The following ERC2 variants were observed in gnomAD, a reference collection of about 807,000 sequenced individuals.
ERC2 encodes the protein ERC protein 2.
ERC2 carries 42 observed loss-of-function variants against 114.8 expected under a neutral mutation model. That is an observed-to-expected ratio of 0.37 (90% CI 0.29 to 0.47). The LOEUF (loss-of-function observed/expected upper bound fraction) is 0.47. ERC2 is among the 20% of genes least tolerant of loss of function. The pLI, the probability that ERC2 is intolerant of heterozygous loss-of-function variation, is 0.99. For synonymous variants in ERC2, 454 were observed against 425.5 expected, an observed-to-expected ratio of 1.07 and a Z score of -0.82; for missense variants, 939 against 1,150.7, an observed-to-expected ratio of 0.82 and a Z score of 2.66.
chr3:56,163,946 T>A (rs977771324), intron 4 of ERC2, among the ~76,000 whole-genome samples: 1 of 152,222 alleles, frequency 6.6e-6, no homozygotes, highest in East Asian at 1.9e-4. Context: ...GATTGTGTGG[T>A]TCCTTTATAG....
At chr3:56,300,743 C>G (rs927677452) in intron 2 of ERC2, among the ~76,000 whole-genome samples, 1 of 152,186 alleles carries the variant, frequency 6.6e-6, no homozygotes, top group Non-Finnish European at 1.5e-5. Flanking sequence ...CTTAAGTAAC[C>G]TGCTCCCAGT....
intron 3 of ERC2, among the ~76,000 whole-genome samples, chr3:56,213,847 AG>A (rs1335628310): frequency 6.6e-6 from 1 of 152,170 alleles, no homozygotes; most frequent in African/African-American, 2.4e-5. Context: ...TCTGCTGTTC[AG>A]TATTCACTGT....
intron 14 of ERC2, among the ~76,000 whole-genome samples, chr3:55,852,139 G>C (rs910803433): frequency 6.6e-6 from 1 of 152,172 alleles, no homozygotes; most frequent in Non-Finnish European, 1.5e-5. Context: ...AGAATTGCTT[G>C]TACCCGGGAG....
chr3:55,884,056 T>A (rs923974492), intron 14 of ERC2, among the ~76,000 whole-genome samples: 1 of 152,230 alleles, frequency 6.6e-6, no homozygotes, highest in African/African-American at 2.4e-5. Flanking sequence ...ATGAAAGATG[T>A]TACCAATTAG....
intron 17 of ERC2, among the ~76,000 whole-genome samples, chr3:55,562,900 T>G (rs1374024805): frequency 6.6e-6 from 1 of 152,202 alleles, no homozygotes; most frequent in East Asian, 1.9e-4. Flanking sequence ...TAAAATTTTA[T>G]GAACATGCAC....
At position 56,444,803 on chromosome 3, in the gene ERC2, GATC is replaced by G. The variant is rs567367294; in HGVS notation, c.-140-9659_-140-9657del. ...CCTGCTGACAGACCGTGTGAGCTGAGATCATCAGTATCTCCCAAGATTTTGCCA... is the reference window on the plus strand; with the variant it reads ...CCTGCTGACAGACCGTGTGAGCTGAGATCAGTATCTCCCAAGATTTTGCCA... On this transcript the variant is annotated intron_variant, in intron 1 of 17. Transcript: ENST00000288221. 2.0e-5 allele frequency among the ~76,000 whole-genome samples: 3 copies of G among 152,316 alleles called. No individual in the cohort carries two copies. The East Asian group carries it at 5.8e-4, about 29-fold the overall frequency.
At chr3:56,371,922 G>C (rs934710138) in intron 2 of ERC2, among the ~76,000 whole-genome samples, 4 of 152,194 alleles carry the variant, frequency 2.6e-5, no homozygotes, top group African/African-American at 9.6e-5. Flanking sequence ...GCTATTGTTT[G>C]AGAAGCCTAG....
chr3:56,103,766 T>TCTAC (rs2078492081), intron 6 of ERC2, among the ~76,000 whole-genome samples: 4 of 151,960 alleles, frequency 2.6e-5, no homozygotes. Context: ...TATCTATCTA[T>TCTAC]CTATCTATCT....
intron 17 of ERC2, among the ~76,000 whole-genome samples, chr3:55,602,853 C>T (rs563572554): frequency 4.2e-4 from 64 of 152,262 alleles, no homozygotes; most frequent in African/African-American, 1.3e-3. Context: ...CTATGCTGTG[C>T]TAGTTTCTGT....
At chr3:55,578,280 C>G (rs949025929) in intron 17 of ERC2, among the ~76,000 whole-genome samples, 2 of 152,178 alleles carry the variant, frequency 1.3e-5, no homozygotes, top group African/African-American at 4.8e-5. Context: ...ATACAAACAC[C>G]CTACAGGACT....
chr3:55,920,415 A>AACACACAC (rs10560997), intron 13 of ERC2, among the ~76,000 whole-genome samples: 37,259 of 146,528 alleles, frequency 0.25, 5,284 homozygotes, highest in Admixed American at 0.35. Context: ...GGCACACTAA[A>AACACACAC]ACACACACAC....
intron 15 of ERC2, among the ~76,000 whole-genome samples, chr3:55,699,863 C>G (rs965860875): frequency 1.3e-5 from 2 of 152,134 alleles, no homozygotes; most frequent in African/African-American, 4.8e-5. Context: ...GACTGAGACT[C>G]TAGACCAACA....
chr3:56,174,744 C>T (rs1220217419), intron 3 of ERC2, among the ~76,000 whole-genome samples: 1 of 152,042 alleles, frequency 6.6e-6, no homozygotes, highest in Admixed American at 6.6e-5. Context: ...CTTTGGGAGG[C>T]CGAGGTGGGT....
chr3:55,790,411 C>A lies in ERC2; in HGVS notation c.2565-55493G>T, dbSNP rs1348220837. 3.9e-5 allele frequency among the ~76,000 whole-genome samples: 6 copies of A among 152,268 alleles called. No homozygotes were observed. The East Asian group carries it at 1.2e-3, about 29-fold the overall frequency. On this transcript the variant is annotated intron_variant, in intron 14 of 17. Transcript: ENST00000288221. The stretch of plus-strand genomic sequence containing the variant: ...AGATCTCATTCCCTGCTTTAGCAGC[C>A]CTGGCCAGTGCCTCACCCTCATCCC...
chr3:55,606,096 T>C (rs1174715946), intron 17 of ERC2, among the ~76,000 whole-genome samples: 1 of 152,168 alleles, frequency 6.6e-6, no homozygotes, highest in Non-Finnish European at 1.5e-5. Context: ...AGGCTTCGGT[T>C]TCCATGTACC....
Position 55,539,421 on chromosome 3 carries a change from T to C in ERC2, c.*40-28145A>G, listed in dbSNP as rs1251623722. Among the ~76,000 whole-genome samples, 7 of 102,292 alleles carry C rather than the reference T, an allele frequency of 6.8e-5. No homozygotes were observed. In the South Asian group the frequency reaches 2.3e-3, roughly 33 times the overall value. The allele number at this position is 102,292 out of a possible 152,430, so 67.1% of individuals were successfully genotyped here. A position where few individuals can be genotyped will look rare whatever the true frequency, so the allele number is the denominator to read the frequency against. ...TCTCTCTCTTTTTTTCTTTCTTTTT[T>C]TTTTTTTTTTTTTTTTTTTTTGATG... is the stretch of plus-strand genomic sequence containing the variant. On this transcript the variant is annotated intron_variant, in intron 17 of 17. Coordinates refer to ENST00000288221, the MANE Select transcript of ERC2 (RefSeq NM_015576.3).
rs535866437 is a variant in ERC2, at chr3:56,327,014, G to A, written c.658-30579C>T. ...ACAGATGTTCCATGATGCCTGCCTG[G>A]GAGGCCAAGAAGCCTACAAAGAGGA... On this transcript the variant is annotated intron_variant, in intron 2 of 17. Coordinates refer to ENST00000288221, the MANE Select transcript of ERC2 (RefSeq NM_015576.3). 2.6e-5 allele frequency among the ~76,000 whole-genome samples: 4 copies of A among 152,284 alleles called. No homozygotes were observed. In the South Asian group the frequency reaches 8.3e-4, roughly 32 times the overall value.
At chr3:55,835,687 T>C (rs913557039) in intron 14 of ERC2, among the ~76,000 whole-genome samples, 2 of 152,192 alleles carry the variant, frequency 1.3e-5, no homozygotes, top group South Asian at 2.1e-4. Context: ...CTTTGAAAAC[T>C]GGCACAAGAC....
chr3:55,537,235 A>T (rs938511820), intron 17 of ERC2, among the ~76,000 whole-genome samples: 4 of 152,224 alleles, frequency 2.6e-5, no homozygotes, highest in Non-Finnish European at 5.9e-5. Flanking sequence ...GGGTGCCACA[A>T]GCAATCAATG....
Sources: allele counts gnomAD v4.1 joint callset (sites outside exome capture counted in the v4.1 genomes callset), GRCh38; gene constraint gnomAD v4.1.1; transcripts MANE v1.5; gene names NCBI Gene and HGNC (gene_info 2026-07-23, HGNC 2026-07-21).